Variants in PTPRD observed in about 807,000 individuals in gnomAD.
PTPRD encodes the protein receptor-type tyrosine-protein phosphatase delta.
A neutral mutation model predicts 214.5 loss-of-function variants in PTPRD; 34 were observed. The ratio of observed to expected loss-of-function variants is 0.16; its 90% CI spans 0.12 to 0.21. PTPRD has a LOEUF of 0.21. PTPRD is among the 10% of genes least tolerant of loss of function. PTPRD has a pLI of 1.00. For missense variants in PTPRD, 2,545 were observed against 2,398.7 expected (o/e 1.06, Z -1.27); for synonymous variants, 1,128 against 845.7 (o/e 1.33, Z -5.79).
chr9:9,852,006 A>G (rs564166457), intron 5 of PTPRD, among the ~76,000 whole-genome samples: 2 of 152,312 alleles, frequency 1.3e-5, no homozygotes, highest in East Asian at 3.9e-4. Context: ...TTTAACATGG[A>G]AATTTCTCTT....
chr9:8,566,826 T>C (rs760673331), intron 14 of PTPRD, among the ~76,000 whole-genome samples: 84 of 152,308 alleles, frequency 5.5e-4, no homozygotes, highest in South Asian at 1.7e-3. Context: ...AGACAAGGTA[T>C]ATTGATGGTC....
intron 8 of PTPRD, among the ~76,000 whole-genome samples, chr9:9,536,131 T>G (rs1569569089): frequency 2.0e-5 from 3 of 152,050 alleles, no homozygotes; most frequent in African/African-American, 7.2e-5. Context: ...TCAAGATAAT[T>G]GCTTTTTGTG....
chr9:10,318,115 T>G (rs1024147041), intron 3 of PTPRD, among the ~76,000 whole-genome samples: 1 of 152,066 alleles, frequency 6.6e-6, no homozygotes, highest in African/African-American at 2.4e-5. Context: ...AGAATAGATA[T>G]CTACTTATAA....
intron 8 of PTPRD, among the ~76,000 whole-genome samples, chr9:9,552,739 G>A (rs1359698): frequency 0.33 from 50,798 of 151,856 alleles, 8,685 homozygotes; most frequent in African/African-American, 0.36. Context: ...CTGCATTTTT[G>A]TGGAGCAAAA....
intron 2 of PTPRD, among the ~76,000 whole-genome samples, chr9:10,465,804 G>C (rs2098989551): frequency 6.6e-6 from 1 of 152,100 alleles, no homozygotes; most frequent in African/African-American, 2.4e-5. Context: ...ACACAATGCT[G>C]ACCTCACCTA....
intron 9 of PTPRD, among the ~76,000 whole-genome samples, chr9:9,304,269 T>A (rs941533100): frequency 6.6e-6 from 1 of 152,102 alleles, no homozygotes; most frequent in African/African-American, 2.4e-5. Context: ...TAGGATGAGA[T>A]GAATGGGGAG....
chr9:10,328,086 C>CA (rs1043406366), intron 3 of PTPRD, among the ~76,000 whole-genome samples: 1 of 151,410 alleles, frequency 6.6e-6, no homozygotes, highest in Non-Finnish European at 1.5e-5. Context: ...ACTAAACAAA[C>CA]AAAAAAACTT....
chr9:9,586,391 T>C (rs550061251), intron 7 of PTPRD, among the ~76,000 whole-genome samples: 29 of 152,162 alleles, frequency 1.9e-4, no homozygotes, highest in East Asian at 5.8e-4. Flanking sequence ...GAAATGATTA[T>C]GTAGTCATAA....
chr9:9,628,323 C>T (rs764911294), intron 7 of PTPRD, among the ~76,000 whole-genome samples: 59 of 152,184 alleles, frequency 3.9e-4, no homozygotes, highest in Non-Finnish European at 6.8e-4. Context: ...ATTCCATATC[C>T]TACCAGCAGC....
chr9:10,001,861 A>G (rs2154093942), intron 4 of PTPRD, among the ~76,000 whole-genome samples: 1 of 152,256 alleles, frequency 6.6e-6, no homozygotes, highest in African/African-American at 2.4e-5. Flanking sequence ...AGGAATAAAG[A>G]GTACAGACAA....
intron 3 of PTPRD, among the ~76,000 whole-genome samples, chr9:10,128,014 C>A (rs912140887): frequency 6.6e-6 from 1 of 152,058 alleles, no homozygotes; most frequent in Non-Finnish European, 1.5e-5. Flanking sequence ...TGGAGAAAGG[C>A]CTTGGTAGCT....
At chr9:8,624,242 G>A (rs1382880262) in intron 14 of PTPRD, among the ~76,000 whole-genome samples, 1 of 151,734 alleles carries the variant, frequency 6.6e-6, no homozygotes, top group East Asian at 1.9e-4. Flanking sequence ...AAAATTCTTG[G>A]GATTGTGTAC....
chr9:9,678,171 C>G (rs1196666685), intron 7 of PTPRD, among the ~76,000 whole-genome samples: 6 of 152,012 alleles, frequency 3.9e-5, no homozygotes, highest in Admixed American at 2.0e-4. Context: ...TCAATGCCAT[C>G]CCCATCAAGC....
intron 7 of PTPRD, among the ~76,000 whole-genome samples, chr9:9,630,878 C>T (rs1593538785): frequency 1.3e-5 from 2 of 152,024 alleles, no homozygotes; most frequent in South Asian, 4.2e-4. Flanking sequence ...AAAAGATGTT[C>T]AATAAATATT....
chr9:9,125,123 T>C (rs184530276), intron 10 of PTPRD, among the ~76,000 whole-genome samples: 7 of 152,136 alleles, frequency 4.6e-5, no homozygotes, highest in African/African-American at 1.7e-4. Flanking sequence ...CCCATGACAA[T>C]ATAAATTTAT....
At chr9:9,561,602 A>G (rs995118802) in intron 8 of PTPRD, among the ~76,000 whole-genome samples, 2 of 152,220 alleles carry the variant, frequency 1.3e-5, no homozygotes, top group African/African-American at 4.8e-5. Flanking sequence ...TATTTTCAGA[A>G]CTACAGTTAG....
chr9:9,971,795 A>G (rs1216935387), intron 4 of PTPRD, among the ~76,000 whole-genome samples: 1 of 152,106 alleles, frequency 6.6e-6, no homozygotes, highest in African/African-American at 2.4e-5. Flanking sequence ...TTTATCCCAT[A>G]ATCTCTTTGT....
At chr9:9,025,055 T>C (rs570780969) in intron 10 of PTPRD, among the ~76,000 whole-genome samples, 4 of 152,176 alleles carry the variant, frequency 2.6e-5, no homozygotes, top group Admixed American at 2.6e-4. Flanking sequence ...GTTTAGTCCC[T>C]TGTAAATTTT....
intron 2 of PTPRD, among the ~76,000 whole-genome samples, chr9:10,561,782 A>G (rs1304070772): frequency 6.6e-6 from 1 of 152,136 alleles, no homozygotes; most frequent in Non-Finnish European, 1.5e-5. Flanking sequence ...CCGAGATTAC[A>G]TGATCCATCA....
Sources: gnomAD v4.1 joint callset for allele counts (sites outside exome capture counted in the v4.1 genomes callset) on GRCh38, gnomAD v4.1.1 for gene constraint, MANE v1.5 for transcripts, NCBI Gene and HGNC (gene_info 2026-07-23, HGNC 2026-07-21) for gene names.